The following ANKMY2 variants were observed in gnomAD, a reference collection of about 807,000 sequenced individuals.
ANKMY2 encodes the protein ankyrin repeat and MYND domain containing 2, also known as ankyrin repeat and MYND domain-containing protein 2.
Under a neutral mutation model 50.4 loss-of-function variants are expected in ANKMY2, and 36 were observed. The observed-to-expected ratio is 0.71, with a 90% CI of 0.55 to 0.94. The LOEUF is 0.94. Among genes scored for constraint, ANKMY2 ranks in the 40% least tolerant of loss-of-function variants. ANKMY2 has a pLI of 0.00. For synonymous variants in ANKMY2, 187 were observed against 178.8 expected, an observed-to-expected ratio of 1.05 and a Z score of -0.36; for missense variants, 565 against 524.0, an observed-to-expected ratio of 1.08 and a Z score of -0.76.
chr7:16,626,082 A>C (rs1194042296), intron 3 of ANKMY2, among the ~76,000 whole-genome samples: 1 of 151,444 alleles, frequency 6.6e-6, no homozygotes, highest in Non-Finnish European at 1.5e-5. Flanking sequence ...CCCAGGCTCA[A>C]AAATCCTCCT....
intron 1 of ANKMY2, among the ~76,000 whole-genome samples, chr7:16,641,259 CAT>C (rs1554263404): frequency 2.5e-4 from 38 of 151,962 alleles, no homozygotes; most frequent in African/African-American, 6.8e-4. Flanking sequence ...CACACACACA[CAT>C]AGTGGAGACT....
intron 2 of ANKMY2, among the ~76,000 whole-genome samples, chr7:16,633,690 A>C (rs2128345904): frequency 6.6e-6 from 1 of 152,306 alleles, no homozygotes; most frequent in Non-Finnish European, 1.5e-5. Flanking sequence ...TACATGGATT[A>C]ATTTTTATCA....
chr7:16,600,519 T>C lies in ANKMY2; in HGVS notation c.*242A>G. 2 of 340,630 alleles carry C rather than the reference T, an allele frequency of 5.9e-6. No individual in the cohort carries two copies. Among genetic ancestry groups the C allele is most frequent in the African/African-American group, 4.2e-5 (2 of 47,480 alleles). 21.1% of individuals were successfully genotyped at this position (340,630 alleles called of 1,614,324 possible). On this transcript the variant is annotated 3_prime_UTR_variant, in exon 10 of 10. Coordinates refer to ENST00000306999, the MANE Select transcript of ANKMY2 (RefSeq NM_020319.3). ...GCCAGCCTCAGAAAGGTAATAGGAA[T>C]GTTTTTCCTGTATTTTGAAACAAAA...
intron 7 of ANKMY2, 134 bp downstream of exon 7, chr7:16,609,496 C>T: frequency 9.7e-7 from 1 of 1,032,962 alleles, no homozygotes; most frequent in Non-Finnish European, 1.3e-6. Flanking sequence ...GGCAGGCAAA[C>T]CTATCTCCAC....
intron 4 of ANKMY2, among the ~76,000 whole-genome samples, chr7:16,623,864 C>T (rs890495547): frequency 6.6e-6 from 1 of 152,104 alleles, no homozygotes; most frequent in Non-Finnish European, 1.5e-5. Flanking sequence ...TGTCATAAAG[C>T]AACTGAGTGT....
At chr7:16,616,210 G>T (rs187166041) in intron 4 of ANKMY2, among the ~76,000 whole-genome samples, 15 of 152,294 alleles carry the variant, frequency 9.8e-5, no homozygotes, top group Admixed American at 2.0e-4. Flanking sequence ...TCTAACAGTT[G>T]CTTGTAAGTT....
At chr7:16,642,590 G>A (rs1487966116) in intron 1 of ANKMY2, among the ~76,000 whole-genome samples, 1 of 150,776 alleles carries the variant, frequency 6.6e-6, no homozygotes, top group Non-Finnish European at 1.5e-5. Context: ...AAAGTTGTTA[G>A]TTCAAAGTAC....
chr7:16,600,694 G>C lies in ANKMY2; in HGVS notation c.*67C>G, dbSNP rs567634528. On this transcript the variant is annotated 3_prime_UTR_variant, in exon 10 of 10. Coordinates refer to ENST00000306999, the MANE Select transcript of ANKMY2 (RefSeq NM_020319.3). ...GCAGGTATAACAAGGTGAGGACAAT[G>C]CATTCCTAGGAGTTTTCCAGCTTCT... is the stretch of plus-strand genomic sequence containing the variant. The C allele has an allele frequency of 1.8e-5, 25 of 1,412,880 alleles. No individual in the cohort carries two copies. The African/African-American group carries it at 3.6e-4, about 20-fold the overall frequency. The allele number at this position is 1,412,880 out of a possible 1,614,324, so 87.5% of individuals were successfully genotyped here.
intron 1 of ANKMY2, among the ~76,000 whole-genome samples, chr7:16,640,482 G>A (rs79932251): frequency 2.6e-5 from 4 of 152,214 alleles, no homozygotes; most frequent in Admixed American, 6.5e-5. Context: ...ACAACCATGA[G>A]ATTCAAACAC....
chr7:16,618,859 G>A (rs75097529), intron 4 of ANKMY2, among the ~76,000 whole-genome samples: 1,504 of 94,642 alleles, frequency 0.016, 24 homozygotes, highest in African/African-American at 0.042. Flanking sequence ...AAGACAAACC[G>A]CACATGCTTC....
chr7:16,625,159 C>G, intron 3 of ANKMY2, 78 bp from the exon 4 acceptor site: 2 of 1,054,640 alleles, frequency 1.9e-6, no homozygotes, highest in Non-Finnish European at 2.8e-6. Context: ...CTCTCTATAC[C>G]CTTTATTCCC....
At chr7:16,631,474 A>G (rs1380605670) in intron 2 of ANKMY2, among the ~76,000 whole-genome samples, 1 of 152,230 alleles carries the variant, frequency 6.6e-6, no homozygotes, top group East Asian at 1.9e-4. Context: ...TAATTAGTGT[A>G]AAATGAGAAT....
Position 16,645,609 on chromosome 7 carries a change from G to T in ANKMY2, c.-36C>A. 1 of 1,597,650 alleles carries T rather than the reference G, an allele frequency of 6.3e-7. No individual in the cohort carries two copies. Among genetic ancestry groups the T allele is most frequent in the Non-Finnish European group, 8.5e-7 (1 of 1,173,318 alleles). On this transcript the variant is annotated 5_prime_UTR_variant, in exon 1 of 10. Coordinates refer to ENST00000306999, the MANE Select transcript of ANKMY2 (RefSeq NM_020319.3). ...AGCTTGAAGGTTATTCCCTTTCTTAGGGAGTATTAAAAAAGAAACGATGCG... is the reference window on the plus strand; with the variant it reads ...AGCTTGAAGGTTATTCCCTTTCTTATGGAGTATTAAAAAAGAAACGATGCG...
Position 16,632,268 on chromosome 7 carries a change from A to G in ANKMY2, c.132+4123T>C, listed in dbSNP as rs547817559. On this transcript the variant is annotated intron_variant, in intron 2 of 9. Coordinates refer to ENST00000306999, the MANE Select transcript of ANKMY2 (RefSeq NM_020319.3). ...TGAGATACAATTCATATAGCATACA[A>G]TTTACTCAATTAATTTGTACAAATA... 5.9e-5 allele frequency among the ~76,000 whole-genome samples: 9 copies of G among 152,232 alleles called. No individual in the cohort carries two copies. In the South Asian group the frequency reaches 1.7e-3, roughly 28 times the overall value.
At chr7:16,638,763 A>C (rs1423516116) in intron 1 of ANKMY2, among the ~76,000 whole-genome samples, 1 of 152,192 alleles carries the variant, frequency 6.6e-6, no homozygotes, top group East Asian at 1.9e-4. Flanking sequence ...TTAGAACAAA[A>C]GACATTTCTA....
At chr7:16,609,354 G>C (rs1464436002) in intron 7 of ANKMY2, among the ~76,000 whole-genome samples, 1 of 152,134 alleles carries the variant, frequency 6.6e-6, no homozygotes, top group Non-Finnish European at 1.5e-5. Context: ...CATAGTGGAT[G>C]TACTTAAAAT....
At chr7:16,636,288 G>A in intron 2 of ANKMY2, 103 bp downstream of exon 2, 1 of 639,808 alleles carries the variant, frequency 1.6e-6, no homozygotes, top group Non-Finnish European at 2.2e-6. Context: ...GGGCGAAAGA[G>A]CAACACTCCA....
At chr7:16,615,628 C>G (rs1781332282) in intron 5 of ANKMY2, 116 bp downstream of exon 5, 5 of 1,318,370 alleles carry the variant, frequency 3.8e-6, no homozygotes, top group Non-Finnish European at 5.2e-6. Flanking sequence ...GAGCCCACTG[C>G]AAGCTCTACA....
chr7:16,614,709 T>C (rs10272016), intron 5 of ANKMY2, among the ~76,000 whole-genome samples: 16,803 of 152,234 alleles, frequency 0.11, 1,008 homozygotes, highest in Middle Eastern at 0.18. Context: ...AGATTCTTCT[T>C]TCGTAATAAA....
Sources: gnomAD v4.1 joint callset for allele counts (sites outside exome capture counted in the v4.1 genomes callset) on GRCh38, gnomAD v4.1.1 for gene constraint, MANE v1.5 for transcripts, NCBI Gene and HGNC (gene_info 2026-07-23, HGNC 2026-07-21) for gene names.